SPRED2: variants seen among roughly 807,000 people sequenced by gnomAD.
SPRED2 encodes the protein sprouty related EVH1 domain containing 2.
In SPRED2, 47 loss-of-function variants were observed where a neutral mutation model predicts 43.0. The observed-to-expected ratio is 1.09, with a 90% confidence interval of 0.87 to 1.40. The LOEUF (loss-of-function observed/expected upper bound fraction) is 1.40, where lower values mean the gene tolerates loss of function less well. SPRED2 is among the 40% of genes most tolerant of loss of function. SPRED2 has a pLI of 0.00. For missense variants in SPRED2, 561 were observed against 586.4 expected, an observed-to-expected ratio of 0.96 and a Z score of 0.45; for synonymous variants, 225 against 225.7, an observed-to-expected ratio of 1.00 and a Z score of 0.03.
chr2:65,334,100 C>T, intron 3 of SPRED2: 1 of 440,404 alleles, frequency 2.3e-6, no homozygotes, highest in Non-Finnish European at 4.6e-6. Flanking sequence ...AACACAATGC[C>T]TACTACTCAC....
rs573092779 is a variant in SPRED2 at position 65,387,258 on chromosome 2, T to G, written c.27-42362A>C. Among the ~76,000 whole-genome samples, 9 of 152,342 alleles carry G rather than the reference T, an allele frequency of 5.9e-5. No individual in the cohort carries two copies. In the South Asian group the frequency reaches 1.7e-3, roughly 28 times the overall value. ...GACCGGAACAATCTCCTCAGCCACCTCTGCCTTGGTCTGTACTGCCGCTCT... is the reference window on the plus strand; with the variant it reads ...GACCGGAACAATCTCCTCAGCCACCGCTGCCTTGGTCTGTACTGCCGCTCT... On this transcript the variant is annotated intron_variant, in intron 1 of 5. Transcript: ENST00000356388.
chr2:65,326,096 CTACATTTGCAT>C (rs1205293669), intron 4 of SPRED2, among the ~76,000 whole-genome samples: 3 of 152,254 alleles, frequency 2.0e-5, no homozygotes, highest in Admixed American at 6.5e-5. Context: ...TAGTTATGGA[CTACATTTGCAT>C]TATTTTTGCT....
chr2:65,313,863 GCCGCGA>G lies in SPRED2; in HGVS notation c.889_894del (p.Ser297_Arg298del). 1 of 1,610,516 alleles carries G rather than the reference GCCGCGA, an allele frequency of 6.2e-7. No individual in the cohort carries two copies. The highest frequency in any genetic ancestry group is 8.5e-7 in the Non-Finnish European group (1 of 1,179,794). ...GAGCGCTCTCCGTCCTCCTTCCGCC[GCCGCGA>G]CTTGCCCCGGGAGGGCTGCGTCTTG... On this transcript the variant is annotated inframe_deletion, in exon 6 of 6. Transcript: ENST00000356388.
intron 1 of SPRED2, among the ~76,000 whole-genome samples, chr2:65,399,608 C>T (rs1675836692): frequency 6.6e-6 from 1 of 152,030 alleles, no homozygotes; most frequent in Non-Finnish European, 1.5e-5. Flanking sequence ...GTCTCGAACT[C>T]CTGAGTTTGT....
At chr2:65,372,486 G>A (rs1675149253) in intron 1 of SPRED2, among the ~76,000 whole-genome samples, 1 of 152,148 alleles carries the variant, frequency 6.6e-6, no homozygotes, top group Non-Finnish European at 1.5e-5. Flanking sequence ...TGTGGCTGAT[G>A]GGAGGCCAGG....
chr2:65,348,444 C>T (rs1558663011), intron 1 of SPRED2, among the ~76,000 whole-genome samples: 1 of 150,332 alleles, frequency 6.7e-6, no homozygotes, highest in Non-Finnish European at 1.5e-5. Context: ...AGAATGGTGT[C>T]TTATATGTAA....
intron 5 of SPRED2, among the ~76,000 whole-genome samples, chr2:65,316,320 G>A (rs1237506972): frequency 6.6e-6 from 1 of 152,238 alleles, no homozygotes; most frequent in Non-Finnish European, 1.5e-5. Flanking sequence ...GTGGCTCTGG[G>A]CTTCCACACA....
chr2:65,366,323 C>CAACAACAACAAA (rs1250058949), intron 1 of SPRED2, among the ~76,000 whole-genome samples: 1 of 152,032 alleles, frequency 6.6e-6, no homozygotes, highest in Non-Finnish European at 1.5e-5. Context: ...ACAACAACAA[C>CAACAACAACAAA]AAAACATTTC....
chr2:65,319,006 A>G (rs1424943296), intron 4 of SPRED2, among the ~76,000 whole-genome samples: 1 of 152,260 alleles, frequency 6.6e-6, no homozygotes, highest in Non-Finnish European at 1.5e-5. Flanking sequence ...GGACAAGGGC[A>G]AAACAAATAG....
chr2:65,374,623 G>T (rs761497118), intron 1 of SPRED2, among the ~76,000 whole-genome samples: 2 of 152,214 alleles, frequency 1.3e-5, no homozygotes, highest in Non-Finnish European at 2.9e-5. Flanking sequence ...CAGGTGGCAG[G>T]TTAAATAAAT....
rs1314198116 is a variant in SPRED2, at chr2:65,388,567, C to T, written c.26+43395G>A. On this transcript the variant is annotated intron_variant, in intron 1 of 5. Coordinates refer to ENST00000356388, the MANE Select transcript of SPRED2 (RefSeq NM_181784.3). ...GGTGGCTGGGAGATGTCCTGGTCTC[C>T]TACTGCAGGGTTTACCATGTGCTCT... 2.0e-5 allele frequency among the ~76,000 whole-genome samples: 3 copies of T among 152,120 alleles called. No individual in the cohort carries two copies. In the East Asian group the frequency reaches 5.8e-4, roughly 29 times the overall value.
intron 1 of SPRED2, among the ~76,000 whole-genome samples, chr2:65,349,442 G>A (rs1485379808): frequency 6.6e-6 from 1 of 151,632 alleles, no homozygotes; most frequent in African/African-American, 2.4e-5. Flanking sequence ...AAAAACCTAA[G>A]GGTCCTACGA....
intron 4 of SPRED2, among the ~76,000 whole-genome samples, chr2:65,322,262 C>CTA (rs1558649668): frequency 2.4e-4 from 17 of 70,700 alleles, no homozygotes; most frequent in Non-Finnish European, 4.1e-4. Flanking sequence ...CTCTCTCTCT[C>CTA]TCTCTCTCTA....
At chr2:65,359,496 T>TG (rs1674744953) in intron 1 of SPRED2, among the ~76,000 whole-genome samples, 1 of 152,032 alleles carries the variant, frequency 6.6e-6, no homozygotes, top group South Asian at 2.1e-4. Context: ...GAAGGCATTT[T>TG]TTTTCAAGAC....
chr2:65,332,034 A>C lies in SPRED2; in HGVS notation c.391T>G (p.Ser131Ala). 1 of 1,609,150 alleles carries C rather than the reference A, an allele frequency of 6.2e-7. No homozygotes were observed. The highest frequency in any genetic ancestry group is 1.1e-5 in the South Asian group (1 of 89,958). ...DLIEGSTTSS[S>A]TIHNEAELGD... ...AGCTCAGCTTCATTATGGATGGTGG[A>C]AGATGACGTTGTTGAACCTAAAAAG... Residue 131 changes from serine (S) to alanine (A), a missense_variant, in exon 4 of 6, where the codon TCC becomes GCC. Around this residue, in one of 6 missense-constraint regions of SPRED2, gnomAD observed 305 missense variants for 282.4 expected, o/e 1.08. Coordinates refer to ENST00000356388, the MANE Select transcript of SPRED2 (RefSeq NM_181784.3).
At chr2:65,410,950 G>A (rs554522057) in intron 1 of SPRED2, among the ~76,000 whole-genome samples, 1 of 146,788 alleles carries the variant, frequency 6.8e-6, no homozygotes, top group African/African-American at 2.4e-5. Context: ...ATCGGGACAG[G>A]GGTCATGGTC....
chr2:65,406,062 C>T (rs973165473), intron 1 of SPRED2, among the ~76,000 whole-genome samples: 1 of 152,188 alleles, frequency 6.6e-6, no homozygotes. Flanking sequence ...CTGGGTTTAA[C>T]TCCCCAGGCC....
At position 65,431,993 on chromosome 2, in the gene SPRED2, T is replaced by G; in HGVS notation, c.-6A>C. On this transcript the variant is annotated 5_prime_UTR_variant, in exon 1 of 6. Transcript: ENST00000356388. ...GGGTGTGTTTCTTCGGTCATTTTCT[T>G]GTTCACCTAGACGCCTGTCCCGCGG... 2 of 1,613,976 alleles carry G rather than the reference T, an allele frequency of 1.2e-6. No homozygotes were observed. Among genetic ancestry groups the G allele is most frequent in the East Asian group, 2.2e-5 (1 of 44,852 alleles).
At chr2:65,410,354 C>G (rs1676126364) in intron 1 of SPRED2, among the ~76,000 whole-genome samples, 1 of 152,204 alleles carries the variant, frequency 6.6e-6, no homozygotes. Context: ...CCTGCCCATG[C>G]TGGGTTCTTT....
Sources: allele counts gnomAD v4.1 joint callset (sites outside exome capture counted in the v4.1 genomes callset), GRCh38; gene constraint gnomAD v4.1.1; regional missense constraint gnomAD v4.1.1; transcripts MANE v1.5; gene names NCBI Gene and HGNC (gene_info 2026-07-23, HGNC 2026-07-21).